Variants in SYNDIG1 observed in about 807,000 individuals in gnomAD.
SYNDIG1 encodes synapse differentiation-inducing gene protein 1.
A neutral mutation model predicts 19.4 loss-of-function variants in SYNDIG1; 9 were observed. That is an observed-to-expected ratio of 0.46 (90% CI 0.28 to 0.81). The LOEUF (loss-of-function observed/expected upper bound fraction) is 0.81, where lower values mean the gene tolerates loss of function less well. Among genes scored for constraint, SYNDIG1 ranks in the 30% least tolerant of loss-of-function variants. The pLI is 0.12. For missense variants in SYNDIG1, 311 were observed against 343.3 expected (o/e 0.91, Z 0.74); for synonymous variants, 141 against 145.9 (o/e 0.97, Z 0.24).
Position 24,640,083 on chromosome 20 carries a change from C to T in SYNDIG1, c.619-25263C>T, listed in dbSNP as rs146776542. On this transcript the variant is annotated intron_variant, in intron 3 of 3. Transcript: ENST00000376862. ...GTGCAATGGCTCATGCCTGTAATTC[C>T]AGCACTTTGGAAGGCCAAGGTGGGC... Among the ~76,000 whole-genome samples, 57 of 152,204 alleles carry T rather than the reference C, an allele frequency of 3.7e-4. No homozygotes were observed. In the East Asian group the frequency reaches 0.011, roughly 28 times the overall value.
chr20:24,593,069 C>T (rs1243192469), intron 3 of SYNDIG1, among the ~76,000 whole-genome samples: 1 of 152,128 alleles, frequency 6.6e-6, no homozygotes, highest in Non-Finnish European at 1.5e-5. Context: ...CTCAGTTTGT[C>T]TTTCTTTAAA....
intron 3 of SYNDIG1, among the ~76,000 whole-genome samples, chr20:24,587,739 T>A (rs1441820164): frequency 6.6e-6 from 1 of 152,152 alleles, no homozygotes; most frequent in African/African-American, 2.4e-5. Context: ...CCTTGTTGGG[T>A]CAAGGGGATG....
At chr20:24,581,941 A>G (rs116721162) in intron 2 of SYNDIG1, among the ~76,000 whole-genome samples, 5,145 of 142,144 alleles carry the variant, frequency 0.036, 262 homozygotes, top group African/African-American at 0.13. Context: ...CCACCTGCAC[A>G]TCCTCCCTGC....
chr20:24,485,173 C>T (rs1338698439), intron 1 of SYNDIG1, among the ~76,000 whole-genome samples: 1 of 152,186 alleles, frequency 6.6e-6, no homozygotes. Flanking sequence ...AACCTCTTTC[C>T]TTTATAAATT....
chr20:24,508,128 A>G (rs1304162760), intron 1 of SYNDIG1, among the ~76,000 whole-genome samples: 4 of 152,176 alleles, frequency 2.6e-5, no homozygotes, highest in African/African-American at 9.7e-5. Context: ...AAGAGAAGAT[A>G]AAACATAGAT....
At position 24,492,159 on chromosome 20, in the gene SYNDIG1, G is replaced by A. The variant is rs1187959808; in HGVS notation, c.-79+22406G>A. 3.9e-5 allele frequency among the ~76,000 whole-genome samples: 5 copies of A among 126,968 alleles called. No homozygotes were observed. In the East Asian group the frequency reaches 8.0e-4, roughly 20 times the overall value. The allele number at this position is 126,968 out of a possible 152,430, so 83.3% of individuals were successfully genotyped here. ...GTGAAACTCCAGGCACCGCAGGGAC[G>A]CTGGGGAGAGCCTTCTCTCCACACC... On this transcript the variant is annotated intron_variant, in intron 1 of 3. Transcript: ENST00000376862.
intron 2 of SYNDIG1, among the ~76,000 whole-genome samples, chr20:24,553,978 A>G (rs1381160151): frequency 6.6e-6 from 1 of 152,032 alleles, no homozygotes; most frequent in Non-Finnish European, 1.5e-5. Context: ...ATCCTCTTTT[A>G]TTTCATTGAA....
At chr20:24,586,379 G>A (rs181880061) in intron 3 of SYNDIG1, among the ~76,000 whole-genome samples, 1 of 152,292 alleles carries the variant, frequency 6.6e-6, no homozygotes, top group Admixed American at 6.5e-5. Context: ...CATGGGGTGG[G>A]AAGCCTGACT....
intron 1 of SYNDIG1, among the ~76,000 whole-genome samples, chr20:24,502,887 C>A (rs73101373): frequency 2.0e-5 from 3 of 152,182 alleles, no homozygotes; most frequent in Admixed American, 1.3e-4. Flanking sequence ...GAAAGCAGAG[C>A]GCTGACGTGG....
rs1218798730 is a variant in SYNDIG1 at position 24,501,687 on chromosome 20, G to A, written c.-79+31934G>A. Among the ~76,000 whole-genome samples the A allele has an allele frequency of 2.6e-5, 4 of 152,158 alleles. No homozygotes were observed. The East Asian group carries it at 5.8e-4, about 22-fold the overall frequency. On this transcript the variant is annotated intron_variant, in intron 1 of 3. Coordinates refer to ENST00000376862, the MANE Select transcript of SYNDIG1 (RefSeq NM_024893.3). ...AGTTATAGAATGTCCATGTCACAGG[G>A]GGTTATTACGTATTTCATGGTAAGC...
chr20:24,619,067 G>A lies in SYNDIG1; in HGVS notation c.618+34074G>A, dbSNP rs912046621. 3.3e-5 allele frequency among the ~76,000 whole-genome samples: 5 copies of A among 152,280 alleles called. No homozygotes were observed. The South Asian group carries it at 1.0e-3, about 32-fold the overall frequency. On this transcript the variant is annotated intron_variant, in intron 3 of 3. Coordinates refer to ENST00000376862, the MANE Select transcript of SYNDIG1 (RefSeq NM_024893.3). ...ACAGTCTCTTTTGCAGGGCAGGAGT[G>A]TTGAAGCCTCCTGGAATTTAAAACT... is the stretch of plus-strand genomic sequence containing the variant.
intron 1 of SYNDIG1, among the ~76,000 whole-genome samples, chr20:24,497,618 G>T (rs965732963): frequency 2.0e-5 from 3 of 152,214 alleles, no homozygotes; most frequent in African/African-American, 7.2e-5. Context: ...TACTGCCCAT[G>T]CCATACAGAG....
chr20:24,525,961 G>C (rs2057115243), intron 1 of SYNDIG1, among the ~76,000 whole-genome samples: 1 of 152,052 alleles, frequency 6.6e-6, no homozygotes, highest in Non-Finnish European at 1.5e-5. Context: ...ATCTCTCTCT[G>C]TGTAACTATG....
intron 1 of SYNDIG1, among the ~76,000 whole-genome samples, chr20:24,506,979 G>T (rs2056608812): frequency 6.6e-6 from 1 of 152,218 alleles, no homozygotes; most frequent in Non-Finnish European, 1.5e-5. Flanking sequence ...TCTTAGATGG[G>T]CTCCCCAGAA....
At chr20:24,575,919 G>A (rs2058220044) in intron 2 of SYNDIG1, among the ~76,000 whole-genome samples, 1 of 152,162 alleles carries the variant, frequency 6.6e-6, no homozygotes, top group Non-Finnish European at 1.5e-5. Context: ...GCAGGTTCAG[G>A]GACTCTGAGA....
intron 2 of SYNDIG1, among the ~76,000 whole-genome samples, chr20:24,547,590 C>T (rs1157481750): frequency 6.6e-6 from 1 of 152,142 alleles, no homozygotes; most frequent in Non-Finnish European, 1.5e-5. Flanking sequence ...ACAAGACAGG[C>T]ATCCTGTGGG....
At chr20:24,602,634 G>C (rs2058695602) in intron 3 of SYNDIG1, among the ~76,000 whole-genome samples, 1 of 152,136 alleles carries the variant, frequency 6.6e-6, no homozygotes, top group African/African-American at 2.4e-5. Flanking sequence ...CATATGCCTG[G>C]TCCACCCTTC....
intron 1 of SYNDIG1, among the ~76,000 whole-genome samples, chr20:24,533,394 TAC>T (rs2057300166): frequency 6.6e-6 from 1 of 152,160 alleles, no homozygotes; most frequent in African/African-American, 2.4e-5. Context: ...TAATAATATT[TAC>T]AGAGCTGTGG....
intron 1 of SYNDIG1, among the ~76,000 whole-genome samples, chr20:24,529,200 A>G (rs149473333): frequency 6.6e-6 from 1 of 152,346 alleles, no homozygotes; most frequent in East Asian, 1.9e-4. Context: ...GAGCCTCTGC[A>G]TCTCTAAACC....
Sources: gnomAD v4.1 joint callset for allele counts (sites outside exome capture counted in the v4.1 genomes callset) on GRCh38, gnomAD v4.1.1 for gene constraint, MANE v1.5 for transcripts, NCBI Gene and HGNC (gene_info 2026-07-23, HGNC 2026-07-21) for gene names.